GNAL: variants seen among roughly 807,000 people sequenced by gnomAD.
GNAL encodes the protein guanine nucleotide-binding protein G(olf) subunit alpha.
GNAL carries 18 observed loss-of-function variants against 55.1 expected under a neutral mutation model. The observed-to-expected ratio is 0.33, with a 90% CI of 0.23 to 0.48. The LOEUF is 0.48. GNAL is among the 20% of genes least tolerant of loss of function. The pLI, the probability that GNAL is intolerant of heterozygous loss-of-function variation, is 0.99. For synonymous variants in GNAL, 253 were observed against 237.0 expected, an observed-to-expected ratio of 1.07 and a Z score of -0.62; for missense variants, 412 against 614.1, an observed-to-expected ratio of 0.67 and a Z score of 3.48.
Position 11,753,569 on chromosome 18 carries a change from A to G in GNAL, c.450-59A>G, listed in dbSNP as rs1373129592. On this transcript the variant is annotated intron_variant, in intron 2 of 11. Coordinates refer to ENST00000334049, the MANE Select transcript of GNAL (RefSeq NM_182978.4). ...AGCTGGAAATTTAAAATCCCACTCA[A>G]TTGATTGGAATCAGTGCTAAGAGTA... The G allele has an allele frequency of 3.7e-6, 4 of 1,077,156 alleles. No homozygotes were observed. In the African/African-American group the frequency reaches 4.7e-5, roughly 13 times the overall value. The allele number at this position is 1,077,156 out of a possible 1,614,324, so 66.7% of individuals were successfully genotyped here.
At chr18:11,756,097 A>G (rs997994101) in intron 4 of GNAL, among the ~76,000 whole-genome samples, 4 of 152,148 alleles carry the variant, frequency 2.6e-5, no homozygotes, top group Non-Finnish European at 5.9e-5. Context: ...AATCGGTCCC[A>G]TGTCTTCTTT....
chr18:11,866,552 CTG>C (rs2036267675), intron 7 of GNAL, among the ~76,000 whole-genome samples: 1 of 150,464 alleles, frequency 6.6e-6, no homozygotes, highest in African/African-American at 2.5e-5. Flanking sequence ...CTGAGAAACT[CTG>C]AGAGAACTGG....
chr18:11,806,011 A>AT (rs1326690763), intron 4 of GNAL, among the ~76,000 whole-genome samples: 1 of 151,982 alleles, frequency 6.6e-6, no homozygotes, highest in Non-Finnish European at 1.5e-5. Flanking sequence ...CCAGCATGTT[A>AT]TTTTTTTGTC....
intron 1 of GNAL, among the ~76,000 whole-genome samples, chr18:11,726,185 A>T (rs947503554): frequency 6.6e-6 from 1 of 152,012 alleles, no homozygotes; most frequent in South Asian, 2.1e-4. Flanking sequence ...CAGTCCTCTG[A>T]CTTCATTCTT....
At chr18:11,730,415 C>T (rs112939127) in intron 1 of GNAL, among the ~76,000 whole-genome samples, 3,050 of 152,054 alleles carry the variant, frequency 0.02, 101 homozygotes, top group African/African-American at 0.07. Flanking sequence ...CTGCCTCGGC[C>T]TCCCAAAATG....
Position 11,752,740 on chromosome 18 carries a change from G to A in GNAL, c.377-113G>A. 5 of 1,153,860 alleles carry A rather than the reference G, an allele frequency of 4.3e-6. No individual in the cohort carries two copies. In the South Asian group the frequency reaches 6.9e-5, roughly 16 times the overall value. The allele number at this position is 1,153,860 out of a possible 1,614,324, so 71.5% of individuals were successfully genotyped here. ...GGCGAGCTCCTCCAGCCAGGAACCC[G>A]CGTGTAGGAAATCCCCGTGCTGGGG... On this transcript the variant is annotated intron_variant, in intron 1 of 11. Coordinates refer to ENST00000334049, the MANE Select transcript of GNAL (RefSeq NM_182978.4). The surrounding 1 kb of genome is among the most constrained non-coding windows in gnomAD (Gnocchi z 4.5).
chr18:11,840,704 G>A (rs1320041831), intron 5 of GNAL, among the ~76,000 whole-genome samples: 1 of 152,142 alleles, frequency 6.6e-6, no homozygotes, highest in Non-Finnish European at 1.5e-5. Context: ...AGACCTGGTG[G>A]ACGTATTCGG....
rs144848733 is a variant in GNAL, at chr18:11,862,313, G to T, written c.723-82G>T. On this transcript the variant is annotated intron_variant, in intron 5 of 11. Transcript: ENST00000334049. ...CTGCCCCCATCCTTGCTGTACTTGG[G>T]TGATGTCCCATTAATTTCTCCCCAA... 524 of 1,040,458 alleles carry T rather than the reference G, an allele frequency of 5.0e-4. No homozygotes were observed. The African/African-American group carries it at 7.3e-3, about 14-fold the overall frequency. 64.5% of individuals were successfully genotyped at this position (1,040,458 alleles called of 1,614,324 possible).
In GNAL at chr18:11,884,733, T is replaced by TGAG; in HGVS notation, c.*3600_*3602dup. 7.3e-7 allele frequency: 1 copy of TGAG among 1,372,718 alleles called. No individual in the cohort carries two copies. Among genetic ancestry groups the TGAG allele is most frequent in the Admixed American group, 2.1e-5 (1 of 46,814 alleles). 85.0% of individuals were successfully genotyped at this position (1,372,718 alleles called of 1,614,324 possible). On this transcript the variant is annotated 3_prime_UTR_variant, in exon 12 of 12. Coordinates refer to ENST00000334049, the MANE Select transcript of GNAL (RefSeq NM_182978.4). ...ACTGCCTTCTCAGGTCCCCCTCAGGTGAGGCAGGGAACGGGCCCTCCTCAC... is the reference window on the plus strand; with the variant it reads ...ACTGCCTTCTCAGGTCCCCCTCAGGTGAGGAGGCAGGGAACGGGCCCTCCTCAC...
chr18:11,689,844 C>T lies in GNAL; in HGVS notation c.281C>T (p.Ala94Val). 1.3e-6 allele frequency: 2 copies of T among 1,535,958 alleles called. No homozygotes were observed. Residue 94 changes from alanine (A) to valine (V), a missense_variant, in exon 1 of 12, where the codon GCG becomes GTG. By Grantham distance (64) the Ala-to-Val change is moderately conservative. Transcript: ENST00000334049. ...CGCGAGGCGGCCAAGGAGCGCGAGGCGGTCAAGGAGGCGAGGAAAGTGAGC... is the reference window on the plus strand; with the variant it reads ...CGCGAGGCGGCCAAGGAGCGCGAGGTGGTCAAGGAGGCGAGGAAAGTGAGC... Reference protein sequence around the residue: ...EEREAAKEREAVKEARKVSRG... With the variant: ...EEREAAKEREVVKEARKVSRG...
At chr18:11,766,661 A>C (rs1395019799) in intron 4 of GNAL, among the ~76,000 whole-genome samples, 2 of 152,258 alleles carry the variant, frequency 1.3e-5, no homozygotes, top group African/African-American at 2.4e-5. Context: ...TGAATTGCCA[A>C]GTAAATGTTT....
At chr18:11,740,079 T>G (rs536888661) in intron 1 of GNAL, among the ~76,000 whole-genome samples, 51 of 149,010 alleles carry the variant, frequency 3.4e-4, no homozygotes, top group Admixed American at 6.0e-4. Context: ...ATTTATGTAT[T>G]TATTTATTTA....
At chr18:11,733,687 A>G (rs1308549847) in intron 1 of GNAL, among the ~76,000 whole-genome samples, 1 of 152,136 alleles carries the variant, frequency 6.6e-6, no homozygotes, top group African/African-American at 2.4e-5. Context: ...ATGTTCTCAT[A>G]AGTGAGAGTG....
In GNAL at chr18:11,818,222, A is replaced by C. The variant is rs12326440; in HGVS notation, c.625-6696A>C. Among the ~76,000 whole-genome samples the C allele has an allele frequency of 7.7e-3, 1,176 of 152,338 alleles. 12 individuals carry two copies. Among genetic ancestry groups the C allele is most frequent in the African/African-American group, 0.025 (1,020 of 41,570 alleles). On this transcript the variant is annotated intron_variant, in intron 4 of 11. Coordinates refer to ENST00000334049, the MANE Select transcript of GNAL (RefSeq NM_182978.4). ...AAATTTCAGGATGGACAGAAATTAT[A>C]CATAACAAAATCATAGTGTTATAAC...
intron 5 of GNAL, among the ~76,000 whole-genome samples, chr18:11,839,130 G>A (rs2035558539): frequency 6.6e-6 from 1 of 152,156 alleles, no homozygotes; most frequent in Non-Finnish European, 1.5e-5. Flanking sequence ...ACTGTGCCTA[G>A]AACAATGCCT....
At position 11,883,209 on chromosome 18, in the gene GNAL, C is replaced by T. The variant is rs1194802572; in HGVS notation, c.*2074C>T. The T allele has an allele frequency of 7.2e-6, 1 of 138,630 alleles. No homozygotes were observed. Among genetic ancestry groups the T allele is most frequent in the African/African-American group, 3.1e-5 (1 of 31,952 alleles). 8.6% of individuals were successfully genotyped at this position (138,630 alleles called of 1,614,324 possible). On this transcript the variant is annotated 3_prime_UTR_variant, in exon 12 of 12. Coordinates refer to ENST00000334049, the MANE Select transcript of GNAL (RefSeq NM_182978.4). ...GTGCAACACACACATTTTATCTCAT[C>T]ACCGTCTTACTGCCTCCCCATCCAC...
At chr18:11,777,969 C>A (rs9948889) in intron 4 of GNAL, among the ~76,000 whole-genome samples, 1 of 151,962 alleles carries the variant, frequency 6.6e-6, no homozygotes, top group Non-Finnish European at 1.5e-5. Context: ...CTATGCCCTT[C>A]GCCCCTCACT....
At chr18:11,796,615 A>G (rs1292311347) in intron 4 of GNAL, among the ~76,000 whole-genome samples, 1 of 147,584 alleles carries the variant, frequency 6.8e-6, no homozygotes, top group East Asian at 2.0e-4. Flanking sequence ...CAACCTTTCC[A>G]TTGTCCCATC....
chr18:11,754,173 G>A (rs1357047988), intron 4 of GNAL, among the ~76,000 whole-genome samples: 2 of 152,150 alleles, frequency 1.3e-5, no homozygotes, highest in Non-Finnish European at 2.9e-5. Context: ...CCAGCGCTTT[G>A]GGAGGCCGAG....
Sources: allele counts gnomAD v4.1 joint callset (sites outside exome capture counted in the v4.1 genomes callset), GRCh38; gene constraint gnomAD v4.1.1; non-coding constraint Gnocchi (gnomAD v3.1); transcripts MANE v1.5; gene names NCBI Gene and HGNC (gene_info 2026-07-23, HGNC 2026-07-21).